Variants in HS6ST2 observed in about 807,000 individuals in gnomAD.
HS6ST2 encodes the protein heparan sulfate 6-O-sulfotransferase 2.
Under a neutral mutation model 33.0 loss-of-function variants are expected in HS6ST2, and 17 were observed. That is an observed-to-expected ratio of 0.52 (90% CI 0.35 to 0.77). The LOEUF is 0.77. HS6ST2 is among the 30% of genes least tolerant of loss of function. The pLI is 0.01. For synonymous variants in HS6ST2, 248 were observed against 237.1 expected, an observed-to-expected ratio of 1.05 and a Z score of -0.42; for missense variants, 519 against 551.7, an observed-to-expected ratio of 0.94 and a Z score of 0.59.
rs55880539 is a variant in HS6ST2 at position 132,812,405 on chromosome X, AAAT to A, written c.948-103914_948-103912del. Among the ~76,000 whole-genome samples the A allele has an allele frequency of 9.7e-3, 820 of 84,904 alleles. 4 individuals carry two copies. The highest frequency in any genetic ancestry group is 0.027 in the South Asian group (41 of 1,522). 73.7% of individuals were successfully genotyped at this position (84,904 alleles called of 115,157 possible). A position where few individuals can be genotyped will look rare whatever the true frequency, so the allele number is the denominator to read the frequency against. On this transcript the variant is annotated intron_variant, in intron 2 of 4. Coordinates refer to ENST00000370833, the MANE Select transcript of HS6ST2 (RefSeq NM_001394073.1). ...GGGCAACAGAGCAAGACTCTGTCTC[AAAT>A]AATAATAATAATAATAATAATAATA...
At chrX:132,640,086 A>G (rs1288677058) in intron 4 of HS6ST2, among the ~76,000 whole-genome samples, 2 of 111,154 alleles carry the variant, frequency 1.8e-5, no homozygotes, top group African/African-American at 6.6e-5. Context: ...AGTTTAATCA[A>G]TCCATGAACA....
In HS6ST2 at chrX:132,930,488, T is replaced by C. The variant is rs748940583; in HGVS notation, c.947+26320A>G. Among the ~76,000 whole-genome samples, 23 of 111,316 alleles carry C rather than the reference T, an allele frequency of 2.1e-4. No homozygotes were observed. In the East Asian group the frequency reaches 4.8e-3, roughly 23 times the overall value. On this transcript the variant is annotated intron_variant, in intron 2 of 4. Coordinates refer to ENST00000370833, the MANE Select transcript of HS6ST2 (RefSeq NM_001394073.1). ...CCACTGGAAAGGCTCTTTGTCCCTA[T>C]TGGCCTGACACTCTCCTCCCCTGAC...
chrX:132,788,286 T>C (rs763849110), intron 2 of HS6ST2, among the ~76,000 whole-genome samples: 2 of 112,049 alleles, frequency 1.8e-5, no homozygotes, highest in Non-Finnish European at 3.8e-5. Flanking sequence ...AATTTTTTCA[T>C]TATTACTATA....
rs2063491583 is a variant in HS6ST2, at chrX:132,628,145, G to A, written c.*78C>T. ...CCAATGAAGGAAGCAGGATGTGTTT[G>A]GACACTTTCATCTTTTAAGCTATGC... On this transcript the variant is annotated 3_prime_UTR_variant, in exon 5 of 5. Transcript: ENST00000370833. 1.3e-6 allele frequency: 1 copy of A among 747,274 alleles called. No individual in the cohort carries two copies. The highest frequency in any genetic ancestry group is 1.9e-6 in the Non-Finnish European group (1 of 520,490). The allele number at this position is 747,274 out of a possible 1,213,427, so 61.6% of individuals were successfully genotyped here. A position where few individuals can be genotyped will look rare whatever the true frequency, so the allele number is the denominator to read the frequency against.
chrX:132,726,112 G>A (rs1173193720), intron 2 of HS6ST2, among the ~76,000 whole-genome samples: 1 of 110,824 alleles, frequency 9.0e-6, no homozygotes, highest in Non-Finnish European at 1.9e-5. Context: ...CAACAACACG[G>A]TGACTATAGT....
intron 4 of HS6ST2, among the ~76,000 whole-genome samples, chrX:132,648,538 CAAAAAAAA>C (rs386417567): frequency 3.8e-4 from 22 of 57,581 alleles, no homozygotes; most frequent in Non-Finnish European, 4.1e-4. Context: ...TGGAAAGAGA[CAAAAAAAA>C]AAAAAAAAAA....
intron 2 of HS6ST2, among the ~76,000 whole-genome samples, chrX:132,940,427 T>G (rs1021131696): frequency 9.0e-6 from 1 of 111,702 alleles, no homozygotes; most frequent in South Asian, 3.7e-4. Flanking sequence ...AAAAATTAAA[T>G]TGGACTTCAC....
chrX:132,786,624 CT>C (rs113772087), intron 2 of HS6ST2, among the ~76,000 whole-genome samples: 54 of 101,573 alleles, frequency 5.3e-4, no homozygotes, highest in Middle Eastern at 5.1e-3. Flanking sequence ...GTTTCTATTA[CT>C]TTTTTTTTTT....
At chrX:132,939,825 C>T (rs944165349) in intron 2 of HS6ST2, among the ~76,000 whole-genome samples, 1 of 110,872 alleles carries the variant, frequency 9.0e-6, no homozygotes, top group African/African-American at 3.3e-5. Flanking sequence ...GAAAAATAGC[C>T]CATGTTTTTG....
At chrX:132,791,354 T>C (rs2065118538) in intron 2 of HS6ST2, among the ~76,000 whole-genome samples, 1 of 112,076 alleles carries the variant, frequency 8.9e-6, no homozygotes, top group South Asian at 3.7e-4. Flanking sequence ...TCACAGTCAA[T>C]ATTTAACTAT....
chrX:132,641,703 C>T (rs1252064590), intron 4 of HS6ST2, among the ~76,000 whole-genome samples: 9 of 112,854 alleles, frequency 8.0e-5, no homozygotes, highest in African/African-American at 2.9e-4. Context: ...TCTTTGTGTC[C>T]TCACTGACAG....
intron 2 of HS6ST2, among the ~76,000 whole-genome samples, chrX:132,850,791 C>T (rs1444865428): frequency 9.0e-6 from 1 of 111,428 alleles, no homozygotes; most frequent in Non-Finnish European, 1.9e-5. Context: ...ATCAATGCAT[C>T]ATCAATACAA....
intron 2 of HS6ST2, among the ~76,000 whole-genome samples, chrX:132,821,058 C>T (rs1320743799): frequency 9.1e-6 from 1 of 110,367 alleles, no homozygotes; most frequent in Non-Finnish European, 1.9e-5. Flanking sequence ...TAATTCTCAT[C>T]ACCTCCCCCC....
intron 2 of HS6ST2, among the ~76,000 whole-genome samples, chrX:132,750,853 A>G (rs896386656): frequency 8.9e-6 from 1 of 112,266 alleles, no homozygotes; most frequent in South Asian, 3.7e-4. Context: ...TGTTTTACTC[A>G]GCCAAGGTGG....
intron 2 of HS6ST2, among the ~76,000 whole-genome samples, chrX:132,714,938 G>A (rs2064260820): frequency 9.0e-6 from 1 of 111,720 alleles, no homozygotes. Context: ...ACCTACTGAC[G>A]GCTTAGTGTG....
At chrX:132,758,663 T>C (rs1478383853) in intron 2 of HS6ST2, among the ~76,000 whole-genome samples, 3 of 111,908 alleles carry the variant, frequency 2.7e-5, no homozygotes, top group Non-Finnish European at 3.8e-5. Flanking sequence ...AGGGTCTCCC[T>C]TTCAGCTCCC....
At chrX:132,805,275 C>T (rs2065270819) in intron 2 of HS6ST2, among the ~76,000 whole-genome samples, 1 of 111,768 alleles carries the variant, frequency 8.9e-6, no homozygotes, top group Non-Finnish European at 1.9e-5. Context: ...CGGGGCACAA[C>T]ATGGGCAAAT....
At chrX:132,681,654 T>A (rs1458860833) in intron 3 of HS6ST2, among the ~76,000 whole-genome samples, 9 of 111,669 alleles carry the variant, frequency 8.1e-5, no homozygotes, top group Non-Finnish European at 1.7e-4. Flanking sequence ...AAAATTTAAG[T>A]CAGCCTTATG....
intron 3 of HS6ST2, among the ~76,000 whole-genome samples, chrX:132,676,305 C>A (rs184484347): frequency 8.9e-6 from 1 of 111,923 alleles, no homozygotes; most frequent in Non-Finnish European, 1.9e-5. Context: ...AGGTTCCCGC[C>A]GGCAGGTGGC....
Sources: allele counts gnomAD v4.1 joint callset (sites outside exome capture counted in the v4.1 genomes callset), GRCh38; gene constraint gnomAD v4.1.1; transcripts MANE v1.5; gene names NCBI Gene and HGNC (gene_info 2026-07-23, HGNC 2026-07-21).